Variants in ROCK2 observed in about 807,000 individuals in gnomAD.
The protein encoded by ROCK2 is rho-associated protein kinase 2.
A neutral mutation model predicts 195.1 loss-of-function variants in ROCK2; 61 were observed. The ratio of observed to expected loss-of-function variants is 0.31; its 90% CI spans 0.25 to 0.39. The LOEUF (loss-of-function observed/expected upper bound fraction) is 0.39, where lower values mean the gene tolerates loss of function less well. ROCK2 is among the 10% of genes least tolerant of loss of function. ROCK2 has a pLI of 1.00. For missense variants in ROCK2, 1,109 were observed against 1,637.4 expected (o/e 0.68, Z 5.57); for synonymous variants, 504 against 545.5 (o/e 0.92, Z 1.06).
At chr2:11,242,240 T>C (rs1665452044) in intron 4 of ROCK2, among the ~76,000 whole-genome samples, 2 of 152,124 alleles carry the variant, frequency 1.3e-5, no homozygotes, top group African/African-American at 4.8e-5. Context: ...CATAGCACAA[T>C]ATCTTCATGC....
Position 11,344,146 on chromosome 2 carries a change from G to T in ROCK2, c.-10C>A. On this transcript the variant is annotated 5_prime_UTR_variant, in exon 1 of 33. Transcript: ENST00000315872. This position sits in a 1 kb window ranked among gnomAD's most constrained non-coding sequence, Gnocchi z 5.4. ...GCGGGGGCCGGCTCATGCCGCCACC[G>T]CTGGACCCGCACTCAGGCTCCTCGC... The T allele has an allele frequency of 7.0e-7, 1 of 1,425,230 alleles. No individual in the cohort carries two copies. Among genetic ancestry groups the T allele is most frequent in the Non-Finnish European group, 9.1e-7 (1 of 1,095,516 alleles). The allele number at this position is 1,425,230 out of a possible 1,614,324, so 88.3% of individuals were successfully genotyped here. A position where few individuals can be genotyped will look rare whatever the true frequency, so the allele number is the denominator to read the frequency against.
chr2:11,201,290 G>C lies in ROCK2; in HGVS notation c.2723+20C>G. On this transcript the variant is annotated intron_variant, in intron 22 of 32. Transcript: ENST00000315872. The surrounding 1 kb of genome is among the most constrained non-coding windows in gnomAD (Gnocchi z 4.6). ...AAGTATACAGCTATGAACAAAAAGA[G>C]ACAAGGGTCTCATACTTACCGTTCA... 6.4e-7 allele frequency: 1 copy of C among 1,560,402 alleles called. No homozygotes were observed. The highest frequency in any genetic ancestry group is 8.8e-7 in the Non-Finnish European group (1 of 1,132,214).
At chr2:11,343,005 G>C (rs1037886320) in intron 1 of ROCK2, among the ~76,000 whole-genome samples, 1 of 152,178 alleles carries the variant, frequency 6.6e-6, no homozygotes, top group African/African-American at 2.4e-5. Context: ...TTCCAGGAGG[G>C]AATAGAACTA....
intron 1 of ROCK2, among the ~76,000 whole-genome samples, chr2:11,307,649 T>C (rs571745433): frequency 1.3e-4 from 20 of 152,200 alleles, no homozygotes; most frequent in African/African-American, 3.6e-4. Flanking sequence ...AAATAACAAA[T>C]ATATCTGAAT....
At chr2:11,260,802 T>C (rs1666200471) in intron 3 of ROCK2, among the ~76,000 whole-genome samples, 1 of 149,542 alleles carries the variant, frequency 6.7e-6, no homozygotes, top group Admixed American at 6.6e-5. Flanking sequence ...GAAAAAGATA[T>C]TCATTTATAT....
At chr2:11,324,309 C>A (rs1050685735) in intron 1 of ROCK2, among the ~76,000 whole-genome samples, 1 of 152,150 alleles carries the variant, frequency 6.6e-6, no homozygotes, top group African/African-American at 2.4e-5. Context: ...GTGGTGAGTG[C>A]CTGTACTGGG....
At chr2:11,330,879 A>G (rs1178842366) in intron 1 of ROCK2, among the ~76,000 whole-genome samples, 2 of 27,166 alleles carry the variant, frequency 7.4e-5, no homozygotes, top group Non-Finnish European at 1.6e-4. Flanking sequence ...AGGGAGGAAG[A>G]GGAATGAGGA....
intron 2 of ROCK2, among the ~76,000 whole-genome samples, chr2:11,287,211 T>C (rs1424926206): frequency 1.3e-5 from 2 of 152,178 alleles, no homozygotes; most frequent in Admixed American, 6.5e-5. Context: ...TACTTCTGCA[T>C]TGCAACATTA....
chr2:11,321,631 C>G (rs1484690796), intron 1 of ROCK2, among the ~76,000 whole-genome samples: 1 of 151,914 alleles, frequency 6.6e-6, no homozygotes, highest in Non-Finnish European at 1.5e-5. Flanking sequence ...GTCAATCTAT[C>G]CCACAATAAT....
At chr2:11,208,984 C>T (rs879081636) in intron 18 of ROCK2, among the ~76,000 whole-genome samples, 1 of 152,200 alleles carries the variant, frequency 6.6e-6, no homozygotes, top group Admixed American at 6.5e-5. Flanking sequence ...TGCAATATTA[C>T]ATCTATTCTA....
At chr2:11,193,517 T>C (rs945538550) in intron 30 of ROCK2, among the ~76,000 whole-genome samples, 2 of 151,960 alleles carry the variant, frequency 1.3e-5, no homozygotes, top group African/African-American at 2.4e-5. Flanking sequence ...AACAAAAATA[T>C]AGCAAAGACC....
At chr2:11,271,770 G>A (rs1037488813) in intron 3 of ROCK2, among the ~76,000 whole-genome samples, 3 of 152,200 alleles carry the variant, frequency 2.0e-5, no homozygotes, top group Non-Finnish European at 4.4e-5. Flanking sequence ...GCTCACGCCT[G>A]TAATCCCAGC....
chr2:11,284,057 A>G (rs1449772816), intron 3 of ROCK2, among the ~76,000 whole-genome samples: 1 of 152,236 alleles, frequency 6.6e-6, no homozygotes. Context: ...GCCAGACAAC[A>G]GAATATTGTT....
chr2:11,288,035 A>G (rs1430146920), intron 1 of ROCK2, among the ~76,000 whole-genome samples: 1 of 152,208 alleles, frequency 6.6e-6, no homozygotes, highest in Admixed American at 6.5e-5. Context: ...TCTCTCTTCA[A>G]ATGGCCAAAT....
intron 20 of ROCK2, among the ~76,000 whole-genome samples, chr2:11,202,841 A>G (rs1197419836): frequency 6.6e-6 from 1 of 152,196 alleles, no homozygotes; most frequent in African/African-American, 2.4e-5. Flanking sequence ...TTCTGAGACC[A>G]GTGTTATACT....
chr2:11,240,014 T>G (rs369298562), intron 4 of ROCK2, among the ~76,000 whole-genome samples: 1 of 152,196 alleles, frequency 6.6e-6, no homozygotes, highest in Admixed American at 6.5e-5. Flanking sequence ...CTGTGTAGAA[T>G]AAAAGTGCAT....
chr2:11,338,663 A>G (rs1669009615), intron 1 of ROCK2, among the ~76,000 whole-genome samples: 1 of 152,214 alleles, frequency 6.6e-6, no homozygotes, highest in Non-Finnish European at 1.5e-5. Flanking sequence ...ACCAGTGTAC[A>G]TTCTGAAAAC....
intron 1 of ROCK2, chr2:11,308,926 T>C: frequency 1.2e-6 from 2 of 1,611,896 alleles, no homozygotes; most frequent in Non-Finnish European, 1.7e-6. Flanking sequence ...TACATCAAAC[T>C]TTGCACAAGG....
chr2:11,303,053 G>A (rs1667754517), intron 1 of ROCK2, among the ~76,000 whole-genome samples: 1 of 152,120 alleles, frequency 6.6e-6, no homozygotes, highest in Admixed American at 6.5e-5. Flanking sequence ...ATGTACCAAG[G>A]CTGAGTGCTA....
Sources: gnomAD v4.1 joint callset for allele counts (sites outside exome capture counted in the v4.1 genomes callset) on GRCh38, gnomAD v4.1.1 for gene constraint, Gnocchi (gnomAD v3.1) non-coding constraint, MANE v1.5 for transcripts, NCBI Gene and HGNC (gene_info 2026-07-23, HGNC 2026-07-21) for gene names.